AKAP12: variants seen among roughly 807,000 people sequenced by gnomAD.
The protein encoded by AKAP12 is A-kinase anchoring protein 12.
Under a neutral mutation model 79.9 loss-of-function variants are expected in AKAP12, and 32 were observed. The observed-to-expected ratio is 0.40, with a 90% CI of 0.30 to 0.54. The LOEUF (loss-of-function observed/expected upper bound fraction) is 0.54, where lower values mean the gene tolerates loss of function less well. AKAP12 is among the 20% of genes least tolerant of loss of function. The pLI is 0.48. For missense variants in AKAP12, 2,074 were observed against 2,177.0 expected (o/e 0.95, Z 0.94); for synonymous variants, 808 against 857.0 (o/e 0.94, Z 1.00).
chr6:151,338,693 C>T (rs1277123351), intron 3 of AKAP12, among the ~76,000 whole-genome samples: 2 of 152,126 alleles, frequency 1.3e-5, no homozygotes, highest in African/African-American at 2.4e-5. Flanking sequence ...CCAGGTGATC[C>T]GTCTACCTTG....
At chr6:151,317,713 T>A (rs554093984) in intron 3 of AKAP12, among the ~76,000 whole-genome samples, 1 of 152,320 alleles carries the variant, frequency 6.6e-6, no homozygotes, top group South Asian at 2.1e-4. Flanking sequence ...ACCTCAAGGA[T>A]GTTGCAAAAT....
At chr6:151,294,785 A>G (rs1029198458) in intron 2 of AKAP12, among the ~76,000 whole-genome samples, 5 of 152,216 alleles carry the variant, frequency 3.3e-5, no homozygotes, top group African/African-American at 9.6e-5. Flanking sequence ...AAAAACAACT[A>G]TAACTTTTTA....
chr6:151,326,310 C>T (rs1777524714), intron 3 of AKAP12, among the ~76,000 whole-genome samples: 3 of 152,086 alleles, frequency 2.0e-5, no homozygotes, highest in African/African-American at 7.2e-5. Context: ...ATACATTCCT[C>T]TTCTGGGCAA....
rs1271546293 is a variant in AKAP12, at chr6:151,259,420, A to ATATATGTGTGTGTG, written c.162+18701_162+18702insGTGTGTGTGTATAT. 2.3e-3 allele frequency among the ~76,000 whole-genome samples: 339 copies of ATATATGTGTGTGTG among 149,146 alleles called. 8 individuals carry two copies. Among genetic ancestry groups the ATATATGTGTGTGTG allele is most frequent in the African/African-American group, 8.0e-3 (321 of 40,262 alleles). Reference sequence around the variant, plus strand: ...ATAGCATATATATTTATATATGTATATATATATGTGTGTGTATATATGTGT... The same window carrying ATATATGTGTGTGTG: ...ATAGCATATATATTTATATATGTATATATATGTGTGTGTGTATATATGTGTGTGTATATATGTGT... On this transcript the variant is annotated intron_variant, in intron 2 of 4. Transcript: ENST00000402676.
chr6:151,351,704 C>G lies in AKAP12; in HGVS notation c.3313C>G (p.Pro1105Ala). ...KVDAQEAKTE[P>A]FTQGKVVGQT... is the part of the protein sequence containing the mutation. ...AGATGCTCAGGAGGCAAAAACTGAG[C>G]CTTTTACACAAGGGAAGGTGGTGGG... The change falls in exon 4 of 5, where the codon CCT becomes GCT. Residue 1105 changes from proline to alanine, a missense_variant. Around this residue, in one of 3 missense-constraint regions of AKAP12, gnomAD observed 1,428 missense variants for 1,451.0 expected, o/e 0.98. Coordinates refer to ENST00000402676, the MANE Select transcript of AKAP12 (RefSeq NM_005100.4). This position sits in a 1 kb window ranked among gnomAD's most constrained non-coding sequence, Gnocchi z 4.4. 2 of 1,614,094 alleles carry G rather than the reference C, an allele frequency of 1.2e-6. No individual in the cohort carries two copies. The highest frequency in any genetic ancestry group is 1.7e-6 in the Non-Finnish European group (2 of 1,180,028).
In AKAP12 at chr6:151,353,019, A is replaced by G. The variant is rs758854231; in HGVS notation, c.4628A>G (p.Glu1543Gly). 3.1e-6 allele frequency: 5 copies of G among 1,614,076 alleles called. No homozygotes were observed. The East Asian group carries it at 6.7e-5, about 22-fold the overall frequency. Reference protein sequence around the residue: ...LEPENGILELETKSSKLVQNI... With the variant: ...LEPENGILELGTKSSKLVQNI... ...CCTGAAAATGGGATTTTGGAACTTG[A>G]GACCAAAAGCAGTAAACTTGTCCAA... Residue 1543 changes from glutamate to glycine, a missense_variant, in exon 4 of 5, where the codon GAG (glutamate) becomes GGG (glycine). Physicochemically the swap from Glu to Gly is moderately conservative, Grantham distance 98. Transcript: ENST00000402676.
chr6:151,277,167 G>A (rs1776304819), intron 2 of AKAP12, among the ~76,000 whole-genome samples: 1 of 152,212 alleles, frequency 6.6e-6, no homozygotes, highest in Admixed American at 6.5e-5. Context: ...TGGGGCTCCA[G>A]ATGTCCACCG....
chr6:151,253,745 GCT>G (rs1797236621), intron 2 of AKAP12, among the ~76,000 whole-genome samples: 4 of 151,848 alleles, frequency 2.6e-5, no homozygotes, highest in Non-Finnish European at 4.4e-5. Flanking sequence ...GCAGAGTCCT[GCT>G]CTGTTACCCA....
chr6:151,349,547 A>G lies in AKAP12; in HGVS notation c.1156A>G (p.Ser386Gly). Residue 386 changes from serine to glycine, a missense_variant, in exon 4 of 5, where the codon AGT (serine) becomes GGT (glycine). Coordinates refer to ENST00000402676, the MANE Select transcript of AKAP12 (RefSeq NM_005100.4). ...TGAGCTGCCCTCAGAGGAGCAAGTCAGTGGCTCGCAGGGACCTTCTGAAGA... is the reference window on the plus strand; with the variant it reads ...TGAGCTGCCCTCAGAGGAGCAAGTCGGTGGCTCGCAGGGACCTTCTGAAGA... Reference protein sequence around the residue: ...KVELPSEEQVSGSQGPSEEKP... With the variant: ...KVELPSEEQVGGSQGPSEEKP... 6.2e-7 allele frequency: 1 copy of G among 1,611,812 alleles called. No individual in the cohort carries two copies. Among genetic ancestry groups the G allele is most frequent in the Non-Finnish European group, 8.5e-7 (1 of 1,179,404 alleles).
chr6:151,345,965 A>AGAGAGAG (rs1562750514), intron 3 of AKAP12, among the ~76,000 whole-genome samples: 1 of 125,298 alleles, frequency 8.0e-6, no homozygotes, highest in African/African-American at 3.4e-5. Context: ...GAGAGAGAGA[A>AGAGAGAG]AGGAGAGACA....
At position 151,353,469 on chromosome 6, in the gene AKAP12, T is replaced by C. The variant is rs1043906811; in HGVS notation, c.5078T>C (p.Val1693Ala). The C allele has an allele frequency of 5.6e-6, 9 of 1,614,006 alleles. No homozygotes were observed. The African/African-American group carries it at 8.0e-5, about 14-fold the overall frequency. ...LLAERIEKSL[V>A]EPKEDEKGDD... ...GCAGAAAGAATAGAGAAGTCACTAG[T>C]TGAACCGAAAGAAGATGAAAAAGGT... Residue 1693 changes from valine to alanine, a missense_variant, in exon 4 of 5, where the codon GTT (valine) becomes GCT (alanine). By Grantham distance (64) the Val-to-Ala change is moderately conservative (BLOSUM62 0). Around this residue, in one of 3 missense-constraint regions of AKAP12, gnomAD observed 614 missense variants for 665.6 expected, o/e 0.92. Transcript: ENST00000402676.
chr6:151,301,701 C>A (rs182363564), intron 2 of AKAP12, among the ~76,000 whole-genome samples: 13 of 152,224 alleles, frequency 8.5e-5, no homozygotes, highest in East Asian at 7.7e-4. Flanking sequence ...TGAAAGCTCA[C>A]CTGAGACATC....
chr6:151,278,673 G>GTT (rs879843723), intron 2 of AKAP12, among the ~76,000 whole-genome samples: 9 of 145,126 alleles, frequency 6.2e-5, no homozygotes, highest in African/African-American at 1.3e-4. Flanking sequence ...GTAGTGTCTA[G>GTT]TTTTTTTTTT....
intron 2 of AKAP12, among the ~76,000 whole-genome samples, chr6:151,263,799 G>A (rs765757577): frequency 1.3e-5 from 2 of 151,770 alleles, no homozygotes; most frequent in African/African-American, 2.4e-5. Flanking sequence ...GGCTAGTCTC[G>A]AACTCCTGAC....
chr6:151,341,974 T>C lies in AKAP12; in HGVS notation c.320-6737T>C, dbSNP rs543119134. 5.9e-5 allele frequency among the ~76,000 whole-genome samples: 9 copies of C among 152,372 alleles called. No individual in the cohort carries two copies. In the South Asian group the frequency reaches 1.7e-3, roughly 28 times the overall value. On this transcript the variant is annotated intron_variant, in intron 3 of 4. Transcript: ENST00000402676. ...GCCCTAGAAAGGAAAGGCCTCGTTC[T>C]GGGTCCCGTGACAGGTGCCAAAACG...
At chr6:151,341,085 C>T (rs1436240632) in intron 3 of AKAP12, among the ~76,000 whole-genome samples, 1 of 150,648 alleles carries the variant, frequency 6.6e-6, no homozygotes, top group Admixed American at 6.6e-5. Context: ...ACAGTCTTGC[C>T]CTGTCTCCCA....
intron 2 of AKAP12, among the ~76,000 whole-genome samples, chr6:151,272,756 T>C (rs932450900): frequency 1.3e-5 from 2 of 152,196 alleles, no homozygotes; most frequent in Non-Finnish European, 2.9e-5. Context: ...GGTCTCAAAC[T>C]CCTGGCCTCA....
intron 2 of AKAP12, among the ~76,000 whole-genome samples, chr6:151,254,145 T>C (rs1274550295): frequency 1.3e-5 from 2 of 152,350 alleles, no homozygotes; most frequent in East Asian, 3.9e-4. Flanking sequence ...CAGTGGAACA[T>C]GTCACTACAA....
intron 3 of AKAP12, among the ~76,000 whole-genome samples, chr6:151,312,370 G>T (rs1777125068): frequency 6.6e-6 from 1 of 152,036 alleles, no homozygotes. Flanking sequence ...TTGCTTGGGA[G>T]GCTAAGGTGG....
Sources: gnomAD v4.1 joint callset for allele counts (sites outside exome capture counted in the v4.1 genomes callset) on GRCh38, gnomAD v4.1.1 for gene constraint, gnomAD v4.1.1 regional missense constraint, Gnocchi (gnomAD v3.1) non-coding constraint, MANE v1.5 for transcripts, NCBI Gene and HGNC (gene_info 2026-07-23, HGNC 2026-07-21) for gene names.